Variants in RXRA observed in about 807,000 individuals in gnomAD.
The protein encoded by RXRA is retinoid X receptor alpha.
RXRA carries 5 observed loss-of-function variants against 44.5 expected under a neutral mutation model. The observed-to-expected ratio is 0.11, with a 90% CI of 0.06 to 0.24. The LOEUF is 0.24. RXRA is among the 10% of genes least tolerant of loss of function. The pLI is 1.00. For synonymous variants in RXRA, 291 were observed against 271.4 expected (o/e 1.07, Z -0.71); for missense variants, 412 against 646.5 (o/e 0.64, Z 3.93).
At chr9:134,380,214 C>T (rs978784907) in intron 1 of RXRA, 24 of 981,240 alleles carry the variant, frequency 2.4e-5, no homozygotes, top group African/African-American at 3.5e-5. Flanking sequence ...GGTGGCGTGC[C>T]GGCCCCGTGA....
At chr9:134,331,541 G>A (rs1207344197) in intron 1 of RXRA, among the ~76,000 whole-genome samples, 4 of 152,208 alleles carry the variant, frequency 2.6e-5, no homozygotes, top group Non-Finnish European at 4.4e-5. Flanking sequence ...CAAGGATCAT[G>A]GTGCTCCCTG....
chr9:134,328,933 C>T (rs1016852468), intron 1 of RXRA, among the ~76,000 whole-genome samples: 1 of 152,188 alleles, frequency 6.6e-6, no homozygotes, highest in Non-Finnish European at 1.5e-5. Flanking sequence ...GTGCAGCGTC[C>T]AGATCTGGAA....
chr9:134,380,057 C>T (rs978815977), intron 1 of RXRA: 4 of 985,276 alleles, frequency 4.1e-6, no homozygotes, highest in Non-Finnish European at 4.8e-6. Context: ...GCACAATCTT[C>T]CTGCCCTCTC....
At chr9:134,432,179 G>T (rs569349319) in intron 8 of RXRA, among the ~76,000 whole-genome samples, 183 bp downstream of exon 8, 1 of 152,248 alleles carries the variant, frequency 6.6e-6, no homozygotes, top group South Asian at 2.1e-4. Context: ...TCACCTTGAG[G>T]GCCAGCCAAG....
At chr9:134,427,455 G>A (rs573957925) in intron 6 of RXRA, among the ~76,000 whole-genome samples, 3 of 152,340 alleles carry the variant, frequency 2.0e-5, no homozygotes, top group Non-Finnish European at 2.9e-5. Flanking sequence ...CAGACCGCCC[G>A]TGGTGCCGTC....
At chr9:134,391,851 G>A (rs979778394) in intron 1 of RXRA, among the ~76,000 whole-genome samples, 1 of 152,234 alleles carries the variant, frequency 6.6e-6, no homozygotes, top group African/African-American at 2.4e-5. Context: ...TCCGGGCTTG[G>A]AAACATCTCG....
At chr9:134,432,211 G>C (rs1283876012) in intron 8 of RXRA, among the ~76,000 whole-genome samples, 4 of 151,410 alleles carry the variant, frequency 2.6e-5, no homozygotes, top group Non-Finnish European at 5.9e-5. Flanking sequence ...CCTGGGCACA[G>C]GGGGACCCAG....
At chr9:134,369,939 C>T (rs1024783745) in intron 1 of RXRA, among the ~76,000 whole-genome samples, 6 of 152,164 alleles carry the variant, frequency 3.9e-5, no homozygotes, top group African/African-American at 1.4e-4. Context: ...CGTGGGAGCT[C>T]GCCACGGAGT....
intron 1 of RXRA, among the ~76,000 whole-genome samples, chr9:134,398,525 C>A (rs1158022428): frequency 1.3e-5 from 2 of 152,170 alleles, no homozygotes; most frequent in African/African-American, 4.8e-5. Flanking sequence ...AAGGTGTCTG[C>A]TATGGACGGA....
chr9:134,397,638 T>C (rs1830899124), intron 1 of RXRA, among the ~76,000 whole-genome samples: 1 of 152,242 alleles, frequency 6.6e-6, no homozygotes, highest in African/African-American at 2.4e-5. Context: ...TGGAGGTCCC[T>C]GAGTTCTTCC....
chr9:134,398,310 A>G (rs756226006), intron 1 of RXRA, among the ~76,000 whole-genome samples: 6 of 152,160 alleles, frequency 3.9e-5, no homozygotes, highest in African/African-American at 9.7e-5. Flanking sequence ...AATAACGCCT[A>G]TGGTAGCCAC....
rs12349025 is a variant in RXRA at position 134,340,366 on chromosome 9, G to A, written c.28+13707G>A. On this transcript the variant is annotated intron_variant, in intron 1 of 9. Coordinates refer to ENST00000481739, the MANE Select transcript of RXRA (RefSeq NM_002957.6). ...GCCATCGTGGGGATGGTGGTTTGGGGCAGACCAGTGATGCCACCCACTGAC... is the reference window on the plus strand; with the variant it reads ...GCCATCGTGGGGATGGTGGTTTGGGACAGACCAGTGATGCCACCCACTGAC... Among the ~76,000 whole-genome samples the A allele has an allele frequency of 7.3e-3, 1,115 of 152,264 alleles. 10 individuals are homozygous for A. The highest frequency in any genetic ancestry group is 0.025 in the African/African-American group (1,055 of 41,530).
intron 1 of RXRA, among the ~76,000 whole-genome samples, chr9:134,396,339 C>T (rs996734573): frequency 1.3e-5 from 2 of 152,154 alleles, no homozygotes; most frequent in African/African-American, 4.8e-5. Context: ...TCCCCCAAAC[C>T]TTGACGCGCC....
chr9:134,415,851 C>G (rs776887072), intron 4 of RXRA, among the ~76,000 whole-genome samples: 1 of 152,194 alleles, frequency 6.6e-6, no homozygotes, highest in Non-Finnish European at 1.5e-5. Flanking sequence ...CTGTGCTGGA[C>G]AGAGGTGGCC....
chr9:134,394,034 C>T (rs1247336668), intron 1 of RXRA, among the ~76,000 whole-genome samples: 4 of 151,140 alleles, frequency 2.6e-5, no homozygotes, highest in African/African-American at 7.3e-5. Flanking sequence ...GTCAACCTCT[C>T]TGTCTAGGCT....
chr9:134,406,949 A>G (rs1367972060), intron 2 of RXRA, among the ~76,000 whole-genome samples: 1 of 152,142 alleles, frequency 6.6e-6, no homozygotes, highest in Non-Finnish European at 1.5e-5. Flanking sequence ...GCATTTGGTG[A>G]GTCACACAGT....
At chr9:134,344,242 A>C (rs1830121482) in intron 1 of RXRA, among the ~76,000 whole-genome samples, 1 of 151,956 alleles carries the variant, frequency 6.6e-6, no homozygotes, top group Non-Finnish European at 1.5e-5. Context: ...CTCCTCTGGC[A>C]CCGGCATGTG....
chr9:134,395,555 G>A (rs894346675), intron 1 of RXRA, among the ~76,000 whole-genome samples: 1 of 152,228 alleles, frequency 6.6e-6, no homozygotes, highest in Non-Finnish European at 1.5e-5. Context: ...GGTGTGCCAG[G>A]CCCCATCCTC....
intron 1 of RXRA, among the ~76,000 whole-genome samples, chr9:134,361,532 C>G (rs984957674): frequency 2.0e-5 from 3 of 152,204 alleles, no homozygotes; most frequent in African/African-American, 7.2e-5. Flanking sequence ...AGGCCATGGG[C>G]ACTGAGGTGT....
Sources: allele counts gnomAD v4.1 joint callset (sites outside exome capture counted in the v4.1 genomes callset), GRCh38; gene constraint gnomAD v4.1.1; transcripts MANE v1.5; gene names NCBI Gene and HGNC (gene_info 2026-07-23, HGNC 2026-07-21).